ASH1L: variants seen among roughly 807,000 people sequenced by gnomAD.
ASH1L encodes ASH1 like histone lysine methyltransferase, also known as histone-lysine N-methyltransferase ASH1L.
Under a neutral mutation model 269.0 loss-of-function variants are expected in ASH1L, and 23 were observed. That is an observed-to-expected ratio of 0.09 (90% CI 0.06 to 0.12). The LOEUF (loss-of-function observed/expected upper bound fraction) is 0.12. Among genes scored for constraint, ASH1L ranks in the 10% least tolerant of loss-of-function variants. ASH1L has a pLI of 1.00. For synonymous variants in ASH1L, 1,187 were observed against 1,253.5 expected, an observed-to-expected ratio of 0.95 and a Z score of 1.12; for missense variants, 2,912 against 3,567.8, an observed-to-expected ratio of 0.82 and a Z score of 4.68.
intron 2 of ASH1L, among the ~76,000 whole-genome samples, chr1:155,495,710 C>A (rs1667104764): frequency 6.6e-6 from 1 of 152,076 alleles, no homozygotes; most frequent in Non-Finnish European, 1.5e-5. Flanking sequence ...ATAATAAATT[C>A]ATCTGGCTGG....
In ASH1L at chr1:155,346,456, C is replaced by T; in HGVS notation, c.7817G>A (p.Cys2606Tyr). The T allele has an allele frequency of 6.2e-7, 1 of 1,613,978 alleles. No homozygotes were observed. The highest frequency in any genetic ancestry group is 8.5e-7 in the Non-Finnish European group (1 of 1,179,876). The change falls in exon 21 of 28, where the codon TGT (cysteine) becomes TAT (tyrosine). Residue 2606 changes from cysteine (C) to tyrosine (Y), a missense_variant. Physicochemically the swap from Cys to Tyr is radical, Grantham distance 194. This residue lies in a region of ASH1L where 179 missense variants were observed against 293.8 expected (regional missense o/e 0.61). Transcript: ENST00000392403. ...QCDKCMVWQHCDCMGVNSDVE... is the reference protein window; with the variant it reads ...QCDKCMVWQHYDCMGVNSDVE... Reference sequence around the variant, plus strand: ...ATCTGAGTTCACTCCCATACAATCACAGTGCTGCCATACCTGTAGAAAAAC... The same window carrying T: ...ATCTGAGTTCACTCCCATACAATCATAGTGCTGCCATACCTGTAGAAAAAC...
intron 10 of ASH1L, among the ~76,000 whole-genome samples, chr1:155,373,739 C>T (rs554617198): frequency 1.3e-5 from 2 of 152,188 alleles, no homozygotes; most frequent in South Asian, 2.1e-4. Flanking sequence ...ATGATCTTGG[C>T]TCACTGCAGC....
At chr1:155,490,892 T>C (rs1238809606) in intron 2 of ASH1L, among the ~76,000 whole-genome samples, 1 of 132,414 alleles carries the variant, frequency 7.6e-6, no homozygotes, top group Non-Finnish European at 1.6e-5. Flanking sequence ...AGCCAGGAGG[T>C]CAAGGCTGCA....
At chr1:155,398,617 G>A (rs1391407923) in intron 6 of ASH1L, among the ~76,000 whole-genome samples, 3 of 152,160 alleles carry the variant, frequency 2.0e-5, no homozygotes, top group Non-Finnish European at 2.9e-5. Flanking sequence ...GAATGTGAAA[G>A]CCTAGGAAAT....
chr1:155,461,386 AT>A (rs1294611210), intron 3 of ASH1L, among the ~76,000 whole-genome samples: 5 of 151,150 alleles, frequency 3.3e-5, no homozygotes, highest in African/African-American at 9.7e-5. Context: ...AACACGTTAA[AT>A]TTTTTTTTAG....
intron 1 of ASH1L, among the ~76,000 whole-genome samples, chr1:155,553,512 A>G (rs899521887): frequency 9.2e-5 from 14 of 152,188 alleles, no homozygotes; most frequent in African/African-American, 3.1e-4. Flanking sequence ...GATCCAAATT[A>G]CAGTGCACTC....
At chr1:155,492,283 G>A (rs1666859838) in intron 2 of ASH1L, among the ~76,000 whole-genome samples, 1 of 148,814 alleles carries the variant, frequency 6.7e-6, no homozygotes, top group African/African-American at 2.5e-5. Context: ...CCCAACCTCA[G>A]CCGCCAGCCT....
At chr1:155,475,327 G>A (rs1426511497) in intron 3 of ASH1L, among the ~76,000 whole-genome samples, 1 of 152,038 alleles carries the variant, frequency 6.6e-6, no homozygotes, top group African/African-American at 2.4e-5. Context: ...AGTAGAGATG[G>A]GGTTTCACCG....
intron 1 of ASH1L, among the ~76,000 whole-genome samples, chr1:155,524,355 T>A (rs1269233237): frequency 3.3e-5 from 5 of 149,840 alleles, no homozygotes; most frequent in African/African-American, 4.9e-5. Flanking sequence ...CCCCATCTTT[T>A]AAAAAAAAAT....
chr1:155,470,381 C>G (rs1482804351), intron 3 of ASH1L, among the ~76,000 whole-genome samples: 1 of 151,900 alleles, frequency 6.6e-6, no homozygotes, highest in Admixed American at 6.6e-5. Context: ...ATTGCTTGAG[C>G]CTGGGAGGCG....
At chr1:155,415,456 T>A (rs1228434352) in intron 6 of ASH1L, among the ~76,000 whole-genome samples, 5 of 150,712 alleles carry the variant, frequency 3.3e-5, no homozygotes, top group African/African-American at 1.2e-4. Context: ...AGAGAGAAGA[T>A]AACCATCAGA....
chr1:155,471,021 G>C (rs1227904465), intron 3 of ASH1L, among the ~76,000 whole-genome samples: 1 of 152,108 alleles, frequency 6.6e-6, no homozygotes, highest in Non-Finnish European at 1.5e-5. Context: ...TTAGTATTCT[G>C]CTTAACTAAA....
intron 2 of ASH1L, among the ~76,000 whole-genome samples, chr1:155,508,290 A>G (rs1667941278): frequency 1.3e-5 from 2 of 152,252 alleles, no homozygotes; most frequent in Admixed American, 1.3e-4. Context: ...AAAAATTACA[A>G]GAAAGTTTTT....
At chr1:155,380,776 A>G (rs1656868207) in intron 7 of ASH1L, among the ~76,000 whole-genome samples, 1 of 149,990 alleles carries the variant, frequency 6.7e-6, no homozygotes, top group Admixed American at 6.7e-5. Flanking sequence ...GATTACAGGC[A>G]TGTGCTACCA....
At chr1:155,539,459 T>A (rs1447450570) in intron 1 of ASH1L, among the ~76,000 whole-genome samples, 5 of 144,640 alleles carry the variant, frequency 3.5e-5, no homozygotes, top group South Asian at 2.3e-4. Flanking sequence ...ATATATATAT[T>A]TTGTTCTTGT....
chr1:155,388,732 T>TTTTTTTTTC (rs1558055048), intron 7 of ASH1L, among the ~76,000 whole-genome samples: 3 of 142,432 alleles, frequency 2.1e-5, no homozygotes, highest in African/African-American at 7.7e-5. Flanking sequence ...TTTTTTTTTT[T>TTTTTTTTTC]CATAGAAAAC....
chr1:155,434,834 G>A (rs770001803), intron 5 of ASH1L, among the ~76,000 whole-genome samples: 35 of 151,414 alleles, frequency 2.3e-4, no homozygotes, highest in Admixed American at 2.1e-3. Flanking sequence ...CTGGGCGACA[G>A]AGCGAGACTC....
intron 1 of ASH1L, among the ~76,000 whole-genome samples, chr1:155,540,116 G>T (rs1670329886): frequency 6.6e-6 from 1 of 151,652 alleles, no homozygotes; most frequent in Non-Finnish European, 1.5e-5. Context: ...TAAAATCTTT[G>T]AATGTTTTCT....
In ASH1L at chr1:155,378,382, G is replaced by A. The variant is rs904518294; in HGVS notation, c.6231C>T (p.Tyr2077=). 5.6e-6 allele frequency: 9 copies of A among 1,613,742 alleles called. No individual in the cohort carries two copies. The highest frequency in any genetic ancestry group is 2.7e-5 in the African/African-American group (2 of 74,912). ...PLYKKIRSNV[Y]VDVKPLSGYE... ...AACCAGAAAGGGGTTTGACATCAAC[G>A]TAGACATCTTGAAAAGAAAGCAAAG... Residue 2077 remains tyrosine, a synonymous_variant, in exon 10 of 28, where the codon TAC becomes TAT. Coordinates refer to ENST00000392403, the MANE Select transcript of ASH1L (RefSeq NM_018489.3).
Sources: allele counts gnomAD v4.1 joint callset (sites outside exome capture counted in the v4.1 genomes callset), GRCh38; gene constraint gnomAD v4.1.1; regional missense constraint gnomAD v4.1.1; transcripts MANE v1.5; gene names NCBI Gene and HGNC (gene_info 2026-07-23, HGNC 2026-07-21).